SLC16A14: variants seen among roughly 807,000 people sequenced by gnomAD.
SLC16A14 encodes the protein monocarboxylate transporter 14.
Under a neutral mutation model 35.8 loss-of-function variants are expected in SLC16A14, and 14 were observed. The ratio of observed to expected loss-of-function variants is 0.39; its 90% CI spans 0.26 to 0.61. The LOEUF is 0.61. Among genes scored for constraint, SLC16A14 ranks in the 20% least tolerant of loss-of-function variants. SLC16A14 has a pLI of 0.51. For synonymous variants in SLC16A14, 248 were observed against 258.9 expected (o/e 0.96, Z 0.40); for missense variants, 533 against 655.0 (o/e 0.81, Z 2.03).
rs1422214621 is a variant in SLC16A14, at chr2:230,055,845, C to A, written c.259+3249G>T. 2.0e-5 allele frequency among the ~76,000 whole-genome samples: 3 copies of A among 152,214 alleles called. No individual in the cohort carries two copies. The East Asian group carries it at 5.8e-4, about 29-fold the overall frequency. On this transcript the variant is annotated intron_variant, in intron 2 of 4. Coordinates refer to ENST00000295190, the MANE Select transcript of SLC16A14 (RefSeq NM_152527.5). ...TTAAATCTACATGTGTTTTGTTTAACCCCTTACAAATATATTTTTAAAAAA... is the reference window on the plus strand; with the variant it reads ...TTAAATCTACATGTGTTTTGTTTAAACCCTTACAAATATATTTTTAAAAAA...
intron 2 of SLC16A14, among the ~76,000 whole-genome samples, chr2:230,051,349 T>C (rs185136784): frequency 1.1e-4 from 16 of 152,242 alleles, no homozygotes; most frequent in Admixed American, 7.8e-4. Context: ...TTTATAGAGA[T>C]AGGGTTTCGC....
chr2:230,046,086 G>A lies in SLC16A14; in HGVS notation c.1040C>T (p.Ser347Leu), dbSNP rs1374650042. Reference sequence around the variant, plus strand: ...CAGAGGGAAAACGTCGTTTTGCTCCGATAAGTTATACAAATTGACGATTTC... The same window carrying A: ...CAGAGGGAAAACGTCGTTTTGCTCCAATAAGTTATACAAATTGACGATTTC... ...LPEIVNLYNL[S>L]EQNDVFPLTS... The change falls in exon 4 of 5, where the codon TCG becomes TTG. Residue 347 changes from serine (S) to leucine (L), a missense_variant. Physicochemically the swap from Ser to Leu is moderately radical, Grantham distance 145. Coordinates refer to ENST00000295190, the MANE Select transcript of SLC16A14 (RefSeq NM_152527.5). The surrounding 1 kb of genome is among the most constrained non-coding windows in gnomAD (Gnocchi z 5.0). The A allele has an allele frequency of 3.7e-6, 6 of 1,614,138 alleles. No individual in the cohort carries two copies. Among genetic ancestry groups the A allele is most frequent in the East Asian group, 2.2e-5 (1 of 44,890 alleles).
intron 4 of SLC16A14, among the ~76,000 whole-genome samples, chr2:230,039,310 TA>T (rs1206795197): frequency 1.3e-5 from 2 of 151,866 alleles, no homozygotes; most frequent in African/African-American, 2.4e-5. Flanking sequence ...TTATTTGATG[TA>T]AAAAATAGAA....
intron 1 of SLC16A14, 117 bp from the exon 2 acceptor site, chr2:230,059,483 C>G (rs1158677497): frequency 2.9e-6 from 2 of 696,606 alleles, no homozygotes; most frequent in East Asian, 5.7e-5. Context: ...CACATCTGAT[C>G]TTCAGGTTAA....
chr2:230,043,473 C>T (rs1459166398), intron 4 of SLC16A14, among the ~76,000 whole-genome samples: 1 of 152,148 alleles, frequency 6.6e-6, no homozygotes, highest in Non-Finnish European at 1.5e-5. Context: ...TGTCCTGTAC[C>T]CATGGGATTC....
rs765112155 is a variant in SLC16A14 at position 230,046,505 on chromosome 2, C to T, written c.621G>A (p.Ala207=). ...TACCAGGAGAGAGGGGCCTCATGAG[C>T]GCCCCACAAACACACAGGTTTAGGG... ...AVSLNLCVCG[A]LMRPLSPGKN... is the part of the protein sequence containing the mutation. Residue 207 remains alanine (A), a synonymous_variant, in exon 4 of 5, where the codon GCG becomes GCA. Transcript: ENST00000295190. This position sits in a 1 kb window ranked among gnomAD's most constrained non-coding sequence, Gnocchi z 5.0. The T allele has an allele frequency of 6.2e-7, 1 of 1,614,196 alleles. No homozygotes were observed. Among genetic ancestry groups the T allele is most frequent in the Non-Finnish European group, 8.5e-7 (1 of 1,180,016 alleles).
rs767433269 is a variant in SLC16A14, at chr2:230,046,235, G to A, written c.891C>T (p.Phe297=). 10 of 1,614,168 alleles carry A rather than the reference G, an allele frequency of 6.2e-6. No individual in the cohort carries two copies. The South Asian group carries it at 7.7e-5, about 12-fold the overall frequency. Residue 297 remains phenylalanine, a synonymous_variant, in exon 4 of 5, where the codon TTC becomes TTT. Coordinates refer to ENST00000295190, the MANE Select transcript of SLC16A14 (RefSeq NM_152527.5). This position sits in a 1 kb window ranked among gnomAD's most constrained non-coding sequence, Gnocchi z 5.0. ...CAAAGTAGCCCGAATACCAGTCCTC[G>A]AAGCCCTTCCTGACTCTCATGGTGA... ...SWLTMRVRKG[F]EDWYSGYFGT...
intron 1 of SLC16A14, chr2:230,067,086 G>C (rs151127515): frequency 8.8e-4 from 145 of 164,752 alleles, no homozygotes; most frequent in African/African-American, 3.1e-3. Context: ...ACGCAGGTGA[G>C]TGCGGGCTTC....
At chr2:230,058,864 C>G (rs2077728280) in intron 2 of SLC16A14, among the ~76,000 whole-genome samples, 1 of 152,162 alleles carries the variant, frequency 6.6e-6, no homozygotes, top group Non-Finnish European at 1.5e-5. Flanking sequence ...AACATCCGAC[C>G]TCAACTGATC....
chr2:230,042,411 C>T (rs867277950), intron 4 of SLC16A14, among the ~76,000 whole-genome samples: 6 of 152,198 alleles, frequency 3.9e-5, no homozygotes, highest in East Asian at 3.8e-4. Context: ...AACTCTGGTG[C>T]GTTGACTAAC....
intron 3 of SLC16A14, among the ~76,000 whole-genome samples, chr2:230,047,986 G>A (rs2077623402): frequency 6.6e-6 from 1 of 152,156 alleles, no homozygotes; most frequent in Non-Finnish European, 1.5e-5. Context: ...GTGTGTATGT[G>A]TATAGATATA....
In SLC16A14 at chr2:230,060,974, G is replaced by A. The variant is rs569300710; in HGVS notation, c.-14-1608C>T. On this transcript the variant is annotated intron_variant, in intron 1 of 4. Transcript: ENST00000295190. ...GAATGAGGAGGGCAGAGGTTGTGTAGGAGACTTAATGCTCAGAATAATGGA... is the reference window on the plus strand; with the variant it reads ...GAATGAGGAGGGCAGAGGTTGTGTAAGAGACTTAATGCTCAGAATAATGGA... Among the ~76,000 whole-genome samples the A allele has an allele frequency of 5.3e-5, 8 of 152,216 alleles. No individual in the cohort carries two copies. In the South Asian group the frequency reaches 1.7e-3, roughly 32 times the overall value.
Position 230,059,151 on chromosome 2 carries a change from T to G in SLC16A14, c.202A>C (p.Ser68Arg). Residue 68 changes from serine (S) to arginine (R), a missense_variant, in exon 2 of 5, where the codon AGC becomes CGC. Transcript: ENST00000295190. The stretch of plus-strand genomic sequence containing the variant: ...CTGACCCAGGCGGTCAGGCCGCGGC[T>G]CTGGTGGAATTCTTCCAGCCATTCC... ...NVEWLEEFHQ[S>R]RGLTAWVSSL... is the part of the protein sequence containing the mutation. 1 of 1,614,144 alleles carries G rather than the reference T, an allele frequency of 6.2e-7. No homozygotes were observed. Among genetic ancestry groups the G allele is most frequent in the Non-Finnish European group, 8.5e-7 (1 of 1,180,026 alleles).
Position 230,046,129 on chromosome 2 carries a change from G to C in SLC16A14, c.997C>G (p.Pro333Ala). ...ALFAYSSFVI[P>A]FIHLPEIVNL... ...ACGATTTCTGGGAGGTGAATGAAGG[G>C]GATGACAAAGCTGCTGTATGCAAAC... Residue 333 changes from proline to alanine, a missense_variant, in exon 4 of 5, where the codon CCC becomes GCC. Physicochemically the swap from Pro to Ala is conservative, Grantham distance 27. Coordinates refer to ENST00000295190, the MANE Select transcript of SLC16A14 (RefSeq NM_152527.5). The surrounding 1 kb of genome is among the most constrained non-coding windows in gnomAD (Gnocchi z 5.0). The C allele has an allele frequency of 6.2e-7, 1 of 1,613,882 alleles. No individual in the cohort carries two copies. The highest frequency in any genetic ancestry group is 8.5e-7 in the Non-Finnish European group (1 of 1,179,782).
chr2:230,055,130 T>A lies in SLC16A14; in HGVS notation c.259+3964A>T, dbSNP rs894996241. On this transcript the variant is annotated intron_variant, in intron 2 of 4. Transcript: ENST00000295190. The stretch of plus-strand genomic sequence containing the variant: ...TTCTACACTTACTGGCTGTTCAACC[T>A]TCAGTAAGTTACTTAATGTCTCTGA... 5.3e-5 allele frequency among the ~76,000 whole-genome samples: 8 copies of A among 152,350 alleles called. No homozygotes were observed. In the East Asian group the frequency reaches 1.5e-3, roughly 29 times the overall value.
chr2:230,067,534 TTCTCTCTCTCTCTCTCTCTC>T (rs145179402), intron 1 of SLC16A14, among the ~76,000 whole-genome samples: 9 of 128,446 alleles, frequency 7.0e-5, no homozygotes, highest in South Asian at 4.7e-4. Context: ...CTCCCCTCTC[TTCTCTCTCTCTCTCTCTCTC>T]TCTCTCTCTC....
At position 230,037,484 on chromosome 2, in the gene SLC16A14, A is replaced by G. The variant is rs1387616236; in HGVS notation, c.1429T>C (p.Cys477Arg). ...TQKYDFSFYI[C>R]GLLYMIGILF... ...ATTCCTATCATGTAAAGCAAACCAC[A>G]TATGTAGAAGGAAAAATCATATTTT... Residue 477 changes from cysteine to arginine, a missense_variant, in exon 5 of 5, where the codon TGT becomes CGT. Transcript: ENST00000295190. 2 of 1,610,846 alleles carry G rather than the reference A, an allele frequency of 1.2e-6. No homozygotes were observed. Among genetic ancestry groups the G allele is most frequent in the Non-Finnish European group, 1.7e-6 (2 of 1,179,336 alleles).
At chr2:230,053,709 C>A (rs985998683) in intron 2 of SLC16A14, among the ~76,000 whole-genome samples, 2 of 152,032 alleles carry the variant, frequency 1.3e-5, no homozygotes, top group Non-Finnish European at 2.9e-5. Flanking sequence ...TGAACCTGGG[C>A]AGCAGAGGTT....
At chr2:230,042,426 C>G (rs1454215160) in intron 4 of SLC16A14, among the ~76,000 whole-genome samples, 1 of 152,188 alleles carries the variant, frequency 6.6e-6, no homozygotes, top group Non-Finnish European at 1.5e-5. Context: ...ACTAACATTG[C>G]CCATGAGAAT....
Sources: allele counts gnomAD v4.1 joint callset (sites outside exome capture counted in the v4.1 genomes callset), GRCh38; gene constraint gnomAD v4.1.1; non-coding constraint Gnocchi (gnomAD v3.1); transcripts MANE v1.5; gene names NCBI Gene and HGNC (gene_info 2026-07-23, HGNC 2026-07-21).